Variants in CLPB observed in about 807,000 individuals in gnomAD.
CLPB encodes the protein mitochondrial disaggregase.
A neutral mutation model predicts 78.4 loss-of-function variants in CLPB; 40 were observed. The observed-to-expected ratio is 0.51, with a 90% CI of 0.40 to 0.66. The LOEUF is 0.66. CLPB is among the 30% of genes least tolerant of loss of function. The probability of loss-of-function intolerance (pLI) is 0.00; values close to 1 mark genes in which losing one functional copy is unlikely to be tolerated. For synonymous variants in CLPB, 333 were observed against 348.0 expected (o/e 0.96, Z 0.48); for missense variants, 780 against 886.9 (o/e 0.88, Z 1.53).
intron 3 of CLPB, among the ~76,000 whole-genome samples, chr11:72,387,510 T>C (rs1003448448): frequency 1.3e-5 from 2 of 151,448 alleles, no homozygotes; most frequent in African/African-American, 2.5e-5. Flanking sequence ...GAGACCTGTG[T>C]TCAAATCAAA....
At chr11:72,370,019 G>A (rs977623766) in intron 4 of CLPB, among the ~76,000 whole-genome samples, 4 of 152,112 alleles carry the variant, frequency 2.6e-5, no homozygotes, top group Admixed American at 6.5e-5. Flanking sequence ...TCAATAAAGC[G>A]TCAGGGGGAG....
intron 4 of CLPB, among the ~76,000 whole-genome samples, chr11:72,374,917 C>G (rs1474536193): frequency 1.3e-5 from 2 of 152,150 alleles, no homozygotes; most frequent in East Asian, 3.9e-4. Context: ...GGAAAATACT[C>G]CTAAATCCCT....
chr11:72,326,086 G>T (rs912352559), intron 6 of CLPB, among the ~76,000 whole-genome samples: 1 of 152,122 alleles, frequency 6.6e-6, no homozygotes, highest in Non-Finnish European at 1.5e-5. Flanking sequence ...TGAAACAGGG[G>T]TAACAAGAAC....
chr11:72,400,221 G>A (rs902513311), intron 3 of CLPB, among the ~76,000 whole-genome samples: 3 of 150,680 alleles, frequency 2.0e-5, no homozygotes, highest in Admixed American at 2.0e-4. Context: ...CAAACAGTAG[G>A]GGCCAAAAAA....
At chr11:72,357,371 A>T (rs1381291967) in intron 5 of CLPB, among the ~76,000 whole-genome samples, 1 of 152,162 alleles carries the variant, frequency 6.6e-6, no homozygotes, top group Non-Finnish European at 1.5e-5. Context: ...AGGTAGCAAA[A>T]GACAGTTGGC....
intron 4 of CLPB, among the ~76,000 whole-genome samples, chr11:72,372,321 T>C (rs1321669584): frequency 6.6e-6 from 1 of 152,230 alleles, no homozygotes; most frequent in East Asian, 1.9e-4. Flanking sequence ...TTCTGGGGTT[T>C]AGGTTAGGCG....
intron 7 of CLPB, among the ~76,000 whole-genome samples, chr11:72,311,478 C>A (rs930434381): frequency 6.6e-5 from 10 of 152,188 alleles, no homozygotes; most frequent in African/African-American, 2.4e-4. Context: ...AGGAAACATG[C>A]ACGCAGAAGT....
chr11:72,397,141 CAT>C (rs942351705), intron 3 of CLPB, among the ~76,000 whole-genome samples: 1 of 152,198 alleles, frequency 6.6e-6, no homozygotes, highest in Non-Finnish European at 1.5e-5. Context: ...TCCAGAATGT[CAT>C]ATACATGGAA....
intron 6 of CLPB, among the ~76,000 whole-genome samples, chr11:72,322,754 T>C (rs993070394): frequency 6.6e-6 from 1 of 152,202 alleles, no homozygotes; most frequent in Non-Finnish European, 1.5e-5. Context: ...GTTTCTTCAC[T>C]ATTTTTTTTC....
chr11:72,354,733 T>C (rs1041740005), intron 5 of CLPB: 42 of 171,922 alleles, frequency 2.4e-4, no homozygotes, highest in African/African-American at 4.7e-4. Context: ...TCTGTGGCGG[T>C]TGGGAGTAGA....
intron 5 of CLPB, among the ~76,000 whole-genome samples, chr11:72,330,957 C>T (rs968824960): frequency 1.3e-5 from 2 of 152,028 alleles, no homozygotes; most frequent in Non-Finnish European, 2.9e-5. Flanking sequence ...TGTCCAGCCA[C>T]TGTTGATGTA....
At chr11:72,370,368 C>T (rs1389903001) in intron 4 of CLPB, among the ~76,000 whole-genome samples, 1 of 152,106 alleles carries the variant, frequency 6.6e-6, no homozygotes, top group Non-Finnish European at 1.5e-5. Flanking sequence ...AAATAATTAA[C>T]CTAACTGGCT....
chr11:72,337,032 C>T, intron 5 of CLPB: 1 of 398,948 alleles, frequency 2.5e-6, no homozygotes. Context: ...CCTCAGGGTC[C>T]TGGCCTGCCA....
intron 4 of CLPB, among the ~76,000 whole-genome samples, chr11:72,379,376 T>C (rs1854827707): frequency 6.6e-6 from 1 of 152,186 alleles, no homozygotes; most frequent in Admixed American, 6.5e-5. Context: ...GGGAAAGCAG[T>C]GGCGACAGTC....
chr11:72,339,154 G>A (rs1481258048), intron 5 of CLPB, among the ~76,000 whole-genome samples: 2 of 152,218 alleles, frequency 1.3e-5, no homozygotes, highest in Non-Finnish European at 2.9e-5. Flanking sequence ...ATTAAGGTGG[G>A]AAGGGTACCA....
chr11:72,433,355 C>A (rs1281234862), intron 1 of CLPB, among the ~76,000 whole-genome samples: 2 of 151,976 alleles, frequency 1.3e-5, no homozygotes, highest in South Asian at 2.1e-4. Flanking sequence ...GTCAAGAGAT[C>A]GAGACCATCC....
chr11:72,413,908 T>C (rs902227928), intron 2 of CLPB, among the ~76,000 whole-genome samples: 5 of 152,230 alleles, frequency 3.3e-5, no homozygotes, highest in Non-Finnish European at 5.9e-5. Context: ...CTGTGATGAA[T>C]TCTGTGGTAT....
intron 2 of CLPB, among the ~76,000 whole-genome samples, chr11:72,415,494 T>C (rs1412631048): frequency 6.6e-6 from 1 of 152,222 alleles, no homozygotes. Context: ...GAAGTTCTAG[T>C]TCCTTCTAGT....
At position 72,346,539 on chromosome 11, in the gene CLPB, G is replaced by T. The variant is rs144636816; in HGVS notation, c.775+12341C>A. 6.8e-3 allele frequency among the ~76,000 whole-genome samples: 1,024 copies of T among 151,390 alleles called. 5 individuals are homozygous for T. Among genetic ancestry groups the T allele is most frequent in the African/African-American group, 0.01 (426 of 41,172 alleles). Reference sequence around the variant, plus strand: ...GGCAACAGCAAGGTAGATACGAGATGAGCCTGAGACATTTCATTATGTAGA... The same window carrying T: ...GGCAACAGCAAGGTAGATACGAGATTAGCCTGAGACATTTCATTATGTAGA... On this transcript the variant is annotated intron_variant, in intron 5 of 15. Coordinates refer to ENST00000538039, the MANE Select transcript of CLPB (RefSeq NM_001258392.3).
Sources: gnomAD v4.1 joint callset for allele counts (sites outside exome capture counted in the v4.1 genomes callset) on GRCh38, gnomAD v4.1.1 for gene constraint, MANE v1.5 for transcripts, NCBI Gene and HGNC (gene_info 2026-07-23, HGNC 2026-07-21) for gene names.